Variants in GIMAP8 observed in about 807,000 individuals in gnomAD.
The protein encoded by GIMAP8 is GTPase, IMAP family member 8, also known as GTPase IMAP family member 8.
Under a neutral mutation model 35.6 loss-of-function variants are expected in GIMAP8, and 29 were observed. That is an observed-to-expected ratio of 0.81 (90% CI 0.61 to 1.11). The LOEUF is 1.11. Among genes scored for constraint, GIMAP8 ranks in the 50% most tolerant of loss-of-function variants. The pLI is 0.00. For synonymous variants in GIMAP8, 335 were observed against 308.7 expected (o/e 1.09, Z -0.89); for missense variants, 811 against 805.0 (o/e 1.01, Z -0.09).
intron 1 of GIMAP8, among the ~76,000 whole-genome samples, chr7:150,462,992 A>G (rs10232441): frequency 2.1e-3 from 313 of 152,218 alleles, no homozygotes; most frequent in African/African-American, 6.8e-3. Flanking sequence ...TGTTTACTTT[A>G]TGGTGTCCCA....
intron 2 of GIMAP8, among the ~76,000 whole-genome samples, chr7:150,468,878 G>C (rs1157378648): frequency 6.6e-6 from 1 of 152,164 alleles, no homozygotes; most frequent in African/African-American, 2.4e-5. Context: ...TACACATGAG[G>C]AAACTGAGGC....
chr7:150,462,630 A>G (rs550697582), intron 1 of GIMAP8, among the ~76,000 whole-genome samples: 1 of 151,588 alleles, frequency 6.6e-6, no homozygotes, highest in African/African-American at 2.4e-5. Flanking sequence ...TGGCCAAAAA[A>G]TTTTTTTTTC....
Position 150,467,127 on chromosome 7 carries a change from G to C in GIMAP8, c.429G>C (p.Leu143Phe). The C allele has an allele frequency of 6.2e-7, 1 of 1,614,168 alleles. No homozygotes were observed. ...FTRKDDLGDD[L>F]LQDFIEKNKP... is the part of the protein sequence containing the mutation. ...GGAAGGATGATTTGGGGGATGACTT[G>C]CTGCAAGATTTCATTGAAAAAAACA... The change falls in exon 2 of 5, where the codon TTG becomes TTC. Residue 143 changes from leucine (L) to phenylalanine (F), a missense_variant. By Grantham distance (22) the Leu-to-Phe change is conservative (BLOSUM62 0). Coordinates refer to ENST00000307271, the MANE Select transcript of GIMAP8 (RefSeq NM_175571.4).
chr7:150,454,266 TG>T (rs1440587075), intron 1 of GIMAP8, among the ~76,000 whole-genome samples: 10 of 133,722 alleles, frequency 7.5e-5, no homozygotes, highest in Non-Finnish European at 1.3e-4. Flanking sequence ...TCACTGGGGG[TG>T]GGGGGAGGTT....
intron 3 of GIMAP8, among the ~76,000 whole-genome samples, chr7:150,473,752 C>G (rs1802147238): frequency 6.6e-6 from 1 of 151,726 alleles, no homozygotes; most frequent in Admixed American, 6.6e-5. Flanking sequence ...ACCCTGAGGA[C>G]CTAGACCAAC....
At chr7:150,456,828 A>C (rs552005757) in intron 1 of GIMAP8, among the ~76,000 whole-genome samples, 1 of 152,378 alleles carries the variant, frequency 6.6e-6, no homozygotes, top group Admixed American at 6.5e-5. Flanking sequence ...CATACTATAC[A>C]CAAAAGCAAA....
chr7:150,477,709 CT>C lies in GIMAP8; in HGVS notation c.1928del (p.Leu643GlnfsTer18). On this transcript the variant is annotated frameshift_variant, in exon 5 of 5. Coordinates refer to ENST00000307271, the MANE Select transcript of GIMAP8 (RefSeq NM_175571.4). LOFTEE classifies it low-confidence loss of function (END_TRUNC). ...YPHTQENVSKLIKNVQEMSQA... is the reference protein window; with the variant it reads ...YPHTQENVSKXIKNVQEMSQA... Reference sequence around the variant, plus strand: ...CCATACACAGGAGAACGTCAGCAAACTAATTAAAAATGTCCAGGAAATGTCC... The same window carrying C: ...CCATACACAGGAGAACGTCAGCAAACAATTAAAAATGTCCAGGAAATGTCC... 1 of 1,614,132 alleles carries C rather than the reference CT, an allele frequency of 6.2e-7. No individual in the cohort carries two copies.
chr7:150,462,630 A>AT lies in GIMAP8; in HGVS notation c.-28-4032dup, dbSNP rs199634964. On this transcript the variant is annotated intron_variant, in intron 1 of 4. Coordinates refer to ENST00000307271, the MANE Select transcript of GIMAP8 (RefSeq NM_175571.4). Reference sequence around the variant, plus strand: ...TGTGTATAGTATTCTTGGCCAAAAAATTTTTTTTTCCAGTACTTTGAATAT... The same window carrying AT: ...TGTGTATAGTATTCTTGGCCAAAAAATTTTTTTTTTCCAGTACTTTGAATAT... Among the ~76,000 whole-genome samples, 458 of 151,706 alleles carry AT rather than the reference A, an allele frequency of 3.0e-3. 3 individuals carry two copies. The highest frequency in any genetic ancestry group is 0.01 in the African/African-American group (425 of 41,352).
At position 150,474,057 on chromosome 7, in the gene GIMAP8, C is replaced by T. The variant is rs750332789; in HGVS notation, c.728C>T (p.Pro243Leu). 16 of 1,613,942 alleles carry T rather than the reference C, an allele frequency of 9.9e-6. No individual in the cohort carries two copies. The highest frequency in any genetic ancestry group is 1.6e-4 in the Middle Eastern group (1 of 6,064). ...CAGTCCACAGGACCCGAGCAGAATC[C>T]GGGGACATCAGAACTGACAGTCCTC... ...QLQSTGPEQN[P>L]GTSELTVLLV... Residue 243 changes from proline to leucine, a missense_variant, in exon 4 of 5, where the codon CCG becomes CTG. Transcript: ENST00000307271.
intron 2 of GIMAP8, among the ~76,000 whole-genome samples, chr7:150,469,834 G>A (rs1171661572): frequency 6.6e-6 from 1 of 152,164 alleles, no homozygotes; most frequent in Admixed American, 6.5e-5. Context: ...CATCAGTTAC[G>A]CATGTCCGTA....
rs376371559 is a variant in GIMAP8, at chr7:150,477,141, G to C, written c.1359G>C (p.Ala453=). The part of the protein sequence containing the change: ...LVGRSGTGKS[A]TGNSILGSLV... ...GGAGAAGCGGGACTGGGAAGAGTGC[G>C]ACCGGGAACTCTATCCTGGGGAGCC... The change falls in exon 5 of 5, where the codon GCG becomes GCC. Residue 453 remains alanine (A), a synonymous_variant. Coordinates refer to ENST00000307271, the MANE Select transcript of GIMAP8 (RefSeq NM_175571.4). 1.2e-6 allele frequency: 2 copies of C among 1,613,252 alleles called. No individual in the cohort carries two copies. Among genetic ancestry groups the C allele is most frequent in the African/African-American group, 2.7e-5 (2 of 75,016 alleles).
At chr7:150,470,771 G>GATGAGGTT in intron 2 of GIMAP8, 58 bp from the exon 3 acceptor site, 4 of 256,828 alleles carry the variant, frequency 1.6e-5, no homozygotes, top group Non-Finnish European at 2.8e-5. Flanking sequence ...TTTTTTTTCA[G>GATGAGGTT]TTTGTGGAAG....
intron 1 of GIMAP8, among the ~76,000 whole-genome samples, chr7:150,458,607 C>A (rs762935941): frequency 6.6e-6 from 1 of 152,170 alleles, no homozygotes; most frequent in African/African-American, 2.4e-5. Flanking sequence ...AATCCATACA[C>A]TTCTCCATAA....
intron 1 of GIMAP8, among the ~76,000 whole-genome samples, chr7:150,456,561 A>C (rs1801733968): frequency 6.6e-6 from 1 of 152,228 alleles, no homozygotes; most frequent in Non-Finnish European, 1.5e-5. Flanking sequence ...TGGATGATCC[A>C]AGATTATCTG....
chr7:150,458,173 T>G (rs1801769635), intron 1 of GIMAP8, among the ~76,000 whole-genome samples: 1 of 152,136 alleles, frequency 6.6e-6, no homozygotes, highest in Non-Finnish European at 1.5e-5. Flanking sequence ...TGTAAGATAC[T>G]TATTTGAGGA....
chr7:150,458,995 A>G (rs1430600528), intron 1 of GIMAP8, among the ~76,000 whole-genome samples: 3 of 152,188 alleles, frequency 2.0e-5, no homozygotes, highest in African/African-American at 4.8e-5. Context: ...TTTACCACCC[A>G]TGCTATTTTC....
rs549272314 is a variant in GIMAP8 at position 150,452,835 on chromosome 7, G to A, written c.-29+1660G>A. On this transcript the variant is annotated intron_variant, in intron 1 of 4. Transcript: ENST00000307271. ...ACTCCTGATCTCGAGGGATCTACCT[G>A]CCTTGGCCTCTGAAAGTGTTGGGGT... Among the ~76,000 whole-genome samples the A allele has an allele frequency of 1.8e-3, 270 of 151,316 alleles. 1 individual carries two copies. The highest frequency in any genetic ancestry group is 0.01 in the Middle Eastern group (3 of 294).
chr7:150,473,997 C>A lies in GIMAP8; in HGVS notation c.683-15C>A. The A allele has an allele frequency of 1.2e-6, 2 of 1,603,218 alleles. No homozygotes were observed. Among genetic ancestry groups the A allele is most frequent in the Non-Finnish European group, 1.7e-6 (2 of 1,175,184 alleles). ...CTGCAGGAAGAGACTCTGAACCTGT[C>A]CATTTGTCCCACAGGCCCAAGGGAA... On this transcript the variant is annotated splice_polypyrimidine_tract_variant and intron_variant, in intron 3 of 4. Transcript: ENST00000307271.
chr7:150,467,796 C>A (rs1282958527), intron 2 of GIMAP8, among the ~76,000 whole-genome samples: 1 of 152,066 alleles, frequency 6.6e-6, no homozygotes, highest in Non-Finnish European at 1.5e-5. Flanking sequence ...TCAGATGATC[C>A]CACACTTTTA....
Sources: allele counts gnomAD v4.1 joint callset (sites outside exome capture counted in the v4.1 genomes callset), GRCh38; gene constraint gnomAD v4.1.1; transcripts MANE v1.5; gene names NCBI Gene and HGNC (gene_info 2026-07-23, HGNC 2026-07-21).